Variants in SNX29 observed in about 807,000 individuals in gnomAD.
The protein encoded by SNX29 is sorting nexin-29.
Under a neutral mutation model 102.1 loss-of-function variants are expected in SNX29, and 78 were observed. The observed-to-expected ratio is 0.76, with a 90% CI of 0.64 to 0.92. The LOEUF (loss-of-function observed/expected upper bound fraction) is 0.92. Ranked by LOEUF, SNX29 falls within the 40% of genes least tolerant of loss-of-function variation. SNX29 has a pLI of 0.00. For synonymous variants in SNX29, 580 were observed against 414.5 expected (o/e 1.40, Z -4.85); for missense variants, 1,280 against 1,061.7 (o/e 1.21, Z -2.86).
At chr16:12,472,347 C>G (rs1353838190) in intron 18 of SNX29, among the ~76,000 whole-genome samples, 1 of 151,856 alleles carries the variant, frequency 6.6e-6, no homozygotes, top group Non-Finnish European at 1.5e-5. Context: ...ATGGTGAAAC[C>G]CCGTCTCTAC....
chr16:12,298,311 T>G (rs1296168964), intron 15 of SNX29, among the ~76,000 whole-genome samples: 17 of 152,170 alleles, frequency 1.1e-4, no homozygotes, highest in Non-Finnish European at 5.9e-5. Flanking sequence ...GTGACAAAAA[T>G]GATAACACAG....
chr16:12,461,483 C>CT (rs1228455807), intron 18 of SNX29, among the ~76,000 whole-genome samples: 3 of 152,172 alleles, frequency 2.0e-5, no homozygotes, highest in African/African-American at 7.2e-5. Flanking sequence ...CAAATGGAAA[C>CT]TTATTCTGTT....
At chr16:12,102,550 C>G (rs1020255775) in intron 11 of SNX29, among the ~76,000 whole-genome samples, 2 of 152,234 alleles carry the variant, frequency 1.3e-5, no homozygotes, top group East Asian at 3.9e-4. Flanking sequence ...TGTTTGTTGG[C>G]CACATAAATG....
chr16:12,461,981 ATATATATATATATATAT>A (rs1469908826), intron 18 of SNX29, among the ~76,000 whole-genome samples: 4 of 40,236 alleles, frequency 9.9e-5, no homozygotes, highest in Non-Finnish European at 1.7e-4. Flanking sequence ...AAAAAAAAAT[ATATATATATATATATAT>A]ATATATATAT....
chr16:12,392,709 C>T (rs2083572102), intron 16 of SNX29, among the ~76,000 whole-genome samples: 1 of 152,174 alleles, frequency 6.6e-6, no homozygotes, highest in Non-Finnish European at 1.5e-5. Context: ...CAAGTTTTTA[C>T]TCCTAGCAAA....
chr16:12,288,857 A>C (rs2079696214), intron 15 of SNX29, among the ~76,000 whole-genome samples: 1 of 152,114 alleles, frequency 6.6e-6, no homozygotes, highest in Non-Finnish European at 1.5e-5. Flanking sequence ...GCCCGAGGTC[A>C]TGGGGCTAGC....
chr16:12,087,920 C>CT lies in SNX29; in HGVS notation c.1402+9005_1402+9006insT, dbSNP rs889062246. 2.0e-5 allele frequency: 9 copies of CT among 456,598 alleles called. No homozygotes were observed. In the Admixed American group the frequency reaches 2.1e-4, roughly 11 times the overall value. The allele number at this position is 456,598 out of a possible 1,614,324, so 28.3% of individuals were successfully genotyped here. On this transcript the variant is annotated intron_variant, in intron 11 of 20. Coordinates refer to ENST00000566228, the MANE Select transcript of SNX29 (RefSeq NM_032167.5). ...TGATTCCTGCTGGTGGAGCTGCTGC[C>CT]GCCTCTGCAATACGCTTTTGAAGGA...
Position 12,329,276 on chromosome 16 carries a change from CAAA to C in SNX29, c.1783-26870_1783-26868del, listed in dbSNP as rs55968518. 4.5e-3 allele frequency among the ~76,000 whole-genome samples: 400 copies of C among 88,836 alleles called. 2 individuals carry two copies. Among genetic ancestry groups the C allele is most frequent in the Middle Eastern group, 0.016 (2 of 128 alleles). The allele number at this position is 88,836 out of a possible 152,430, so 58.3% of individuals were successfully genotyped here. A position where few individuals can be genotyped will look rare whatever the true frequency, so the allele number is the denominator to read the frequency against. ...TGAGCAACATGGTGAGACCTTGTCT[CAAA>C]AAAAAAAAAAAAAAAAGTGAAAAAA... On this transcript the variant is annotated intron_variant, in intron 15 of 20. Coordinates refer to ENST00000566228, the MANE Select transcript of SNX29 (RefSeq NM_032167.5).
chr16:12,101,682 C>T (rs541357499), intron 11 of SNX29, among the ~76,000 whole-genome samples: 1 of 152,186 alleles, frequency 6.6e-6, no homozygotes, highest in Admixed American at 6.5e-5. Flanking sequence ...CTGTGCCTGG[C>T]CTGACCCCCA....
Position 12,430,960 on chromosome 16 carries a change from C to T in SNX29, c.2037+27431C>T, listed in dbSNP as rs571663710. Among the ~76,000 whole-genome samples the T allele has an allele frequency of 1.1e-4, 16 of 151,502 alleles. No individual in the cohort carries two copies. The South Asian group carries it at 3.3e-3, about 32-fold the overall frequency. On this transcript the variant is annotated intron_variant, in intron 18 of 20. Transcript: ENST00000566228. ...CTCTGCCTCCTGGGTTCAAATGATT[C>T]TCCTGCCTCAGCCTCCCGAGTAGCA...
chr16:12,542,162 G>C (rs1375386207), intron 20 of SNX29, among the ~76,000 whole-genome samples: 1 of 152,186 alleles, frequency 6.6e-6, no homozygotes, highest in African/African-American at 2.4e-5. Context: ...GGCTCCTGCT[G>C]GGTGTCAGGC....
chr16:12,454,081 A>G (rs2086426443), intron 18 of SNX29, among the ~76,000 whole-genome samples: 1 of 152,162 alleles, frequency 6.6e-6, no homozygotes, highest in Non-Finnish European at 1.5e-5. Flanking sequence ...TCTGGCCAGT[A>G]AGATATAGGT....
chr16:12,352,599 G>A (rs541698181), intron 15 of SNX29, among the ~76,000 whole-genome samples: 1 of 152,322 alleles, frequency 6.6e-6, no homozygotes, highest in East Asian at 1.9e-4. Context: ...CCCAAAAGAT[G>A]AAACCCAGAT....
chr16:12,324,524 C>T (rs2081057456), intron 15 of SNX29, among the ~76,000 whole-genome samples: 1 of 152,094 alleles, frequency 6.6e-6, no homozygotes, highest in Non-Finnish European at 1.5e-5. Context: ...TCCTCTGCCT[C>T]AGCCTCCCAA....
chr16:12,535,285 T>C (rs2077043271), intron 20 of SNX29, among the ~76,000 whole-genome samples: 1 of 152,164 alleles, frequency 6.6e-6, no homozygotes, highest in Non-Finnish European at 1.5e-5. Flanking sequence ...ATTACAGGCA[T>C]GTGCCACCAT....
chr16:12,409,899 CTGT>C (rs2084325788), intron 18 of SNX29, among the ~76,000 whole-genome samples: 1 of 152,220 alleles, frequency 6.6e-6, no homozygotes, highest in South Asian at 2.1e-4. Context: ...CAAATGCTGG[CTGT>C]TGTACAATAT....
intron 13 of SNX29, among the ~76,000 whole-genome samples, chr16:12,157,155 A>G (rs534982620): frequency 7.0e-4 from 106 of 152,236 alleles, no homozygotes; most frequent in Non-Finnish European, 9.4e-4. Flanking sequence ...CATGCCTCGC[A>G]GTCGCCTCGG....
chr16:12,299,060 G>A (rs1225807419), intron 15 of SNX29, among the ~76,000 whole-genome samples: 3 of 151,954 alleles, frequency 2.0e-5, no homozygotes, highest in African/African-American at 7.3e-5. Flanking sequence ...AGCCCTTTGG[G>A]AGGTCAAGGT....
At chr16:12,504,497 C>T (rs367552678) in intron 19 of SNX29, among the ~76,000 whole-genome samples, 1 of 152,296 alleles carries the variant, frequency 6.6e-6, no homozygotes, top group African/African-American at 2.4e-5. Flanking sequence ...TGGAATCATG[C>T]ACTGTGAACT....
Sources: gnomAD v4.1 joint callset for allele counts (sites outside exome capture counted in the v4.1 genomes callset) on GRCh38, gnomAD v4.1.1 for gene constraint, MANE v1.5 for transcripts, NCBI Gene and HGNC (gene_info 2026-07-23, HGNC 2026-07-21) for gene names.